Variants in ITGA1 observed in about 807,000 individuals in gnomAD.
ITGA1 encodes the protein integrin subunit alpha 1.
Under a neutral mutation model 145.9 loss-of-function variants are expected in ITGA1, and 85 were observed. The ratio of observed to expected loss-of-function variants is 0.58; its 90% CI spans 0.49 to 0.70. The LOEUF (loss-of-function observed/expected upper bound fraction) is 0.70. Among genes scored for constraint, ITGA1 ranks in the 30% least tolerant of loss-of-function variants. The pLI is 0.00. For synonymous variants in ITGA1, 520 were observed against 495.3 expected (o/e 1.05, Z -0.66); for missense variants, 1,351 against 1,418.7 (o/e 0.95, Z 0.77).
chr5:52,889,514 C>T (rs1750109611), intron 8 of ITGA1, among the ~76,000 whole-genome samples: 1 of 152,154 alleles, frequency 6.6e-6, no homozygotes, highest in Non-Finnish European at 1.5e-5. Flanking sequence ...AAATCTGTAT[C>T]CTTCTTAATC....
At chr5:52,848,492 A>C (rs1457133876) in intron 1 of ITGA1, among the ~76,000 whole-genome samples, 2 of 152,344 alleles carry the variant, frequency 1.3e-5, no homozygotes, top group East Asian at 3.9e-4. Flanking sequence ...GGAATGGTAC[A>C]GATATTAAAT....
In ITGA1 at chr5:52,955,943, A is replaced by C. The variant is rs1208127083; in HGVS notation, c.*3492A>C. On this transcript the variant is annotated 3_prime_UTR_variant, in exon 29 of 29. Transcript: ENST00000282588. ...TATCTATAAATGCGTATATACATAT[A>C]TATATATATATATATACACATACAC... 6.2e-5 allele frequency: 2 copies of C among 32,150 alleles called. No homozygotes were observed. The highest frequency in any genetic ancestry group is 1.2e-4 in the African/African-American group (2 of 16,190). The allele number at this position is 32,150 out of a possible 1,614,324, so 2.0% of individuals were successfully genotyped here.
At position 52,909,048 on chromosome 5, in the gene ITGA1, G is replaced by A; in HGVS notation, c.1599+7G>A. ...TGTGTATGCTCTCAATCAGGTAATG[G>A]TGTCTGAGTTTGGTAGAAATCCAGG... is the stretch of plus-strand genomic sequence containing the variant. On this transcript the variant is annotated splice_region_variant and intron_variant, in intron 13 of 28. Transcript: ENST00000282588. The A allele has an allele frequency of 1.2e-6, 2 of 1,603,650 alleles. No individual in the cohort carries two copies. Among genetic ancestry groups the A allele is most frequent in the Non-Finnish European group, 1.7e-6 (2 of 1,177,182 alleles).
chr5:52,909,183 A>C, intron 13 of ITGA1, 142 bp downstream of exon 13: 2 of 779,572 alleles, frequency 2.6e-6, no homozygotes. Flanking sequence ...CCAACCCCTC[A>C]GTTTTGAAAT....
In ITGA1 at chr5:52,861,470, T is replaced by C; in HGVS notation, c.206T>C (p.Val69Ala). The change falls in exon 3 of 29, where the codon GTT becomes GCT. Residue 69 changes from valine to alanine, a missense_variant. Transcript: ENST00000282588. ...GKWVLIGSPLVGQPKNRTGDV... is the reference protein window; with the variant it reads ...GKWVLIGSPLAGQPKNRTGDV... ...AGGGTGCTTATTGGTTCTCCGTTAG[T>C]TGGCCAACCCAAAAACAGAACTGGA... 6.2e-7 allele frequency: 1 copy of C among 1,613,546 alleles called. No homozygotes were observed. The highest frequency in any genetic ancestry group is 8.5e-7 in the Non-Finnish European group (1 of 1,179,548).
chr5:52,799,086 C>G (rs1229315680), intron 1 of ITGA1, among the ~76,000 whole-genome samples: 1 of 152,158 alleles, frequency 6.6e-6, no homozygotes, highest in African/African-American at 2.4e-5. Context: ...TTCCAATCCA[C>G]ACAGAGAAAG....
chr5:52,926,804 T>C (rs1750818580), intron 19 of ITGA1, among the ~76,000 whole-genome samples: 1 of 152,098 alleles, frequency 6.6e-6, no homozygotes. Context: ...ACAACAGTAA[T>C]AATGATGGCA....
At position 52,893,701 on chromosome 5, in the gene ITGA1, T is replaced by C; in HGVS notation, c.951T>C (p.Asn317=). The change falls in exon 9 of 29, where the codon AAT becomes AAC. Residue 317 remains asparagine, a synonymous_variant. Transcript: ENST00000282588. ...IAILGSYNRG[N]LSTEKFVEEI... is the part of the protein sequence containing the mutation. ...TTCTTGGCAGCTATAACCGAGGAAA[T>C]TTAAGCACTGAAAAATTTGTGGAGG... 1 of 1,612,864 alleles carries C rather than the reference T, an allele frequency of 6.2e-7. No individual in the cohort carries two copies.
intron 6 of ITGA1, among the ~76,000 whole-genome samples, chr5:52,867,870 C>G (rs556798206): frequency 1.3e-5 from 2 of 152,020 alleles, no homozygotes; most frequent in East Asian, 3.9e-4. Context: ...TCTGAGGGCT[C>G]TACTTCTAGA....
intron 13 of ITGA1, among the ~76,000 whole-genome samples, 169 bp downstream of exon 13, chr5:52,909,210 A>C (rs1408704660): frequency 6.6e-6 from 1 of 152,126 alleles, no homozygotes; most frequent in Non-Finnish European, 1.5e-5. Context: ...TTATAATTCT[A>C]ATAAAGTAGC....
chr5:52,893,860 T>G lies in ITGA1; in HGVS notation c.1090+20T>G, dbSNP rs1023310515. On this transcript the variant is annotated intron_variant, in intron 9 of 28. Transcript: ENST00000282588. ...TGGAAGGTATGTCTATTTATCTTAT[T>G]GCTGCATGTTCTCTCTGCAATTCAA... 5.1e-6 allele frequency: 8 copies of G among 1,579,420 alleles called. No individual in the cohort carries two copies. Among genetic ancestry groups the G allele is most frequent in the Non-Finnish European group, 6.9e-6 (8 of 1,153,652 alleles).
At chr5:52,886,810 G>A (rs921303334) in intron 7 of ITGA1, among the ~76,000 whole-genome samples, 1 of 152,088 alleles carries the variant, frequency 6.6e-6, no homozygotes, top group Admixed American at 6.5e-5. Context: ...AAGGTGTCTC[G>A]CTCTGTCGCC....
At chr5:52,860,539 C>T (rs917247598) in intron 2 of ITGA1, among the ~76,000 whole-genome samples, 1 of 151,770 alleles carries the variant, frequency 6.6e-6, no homozygotes. Context: ...AGCGAGACTC[C>T]GTCTCAAAAA....
intron 1 of ITGA1, among the ~76,000 whole-genome samples, chr5:52,805,393 T>C (rs975886): frequency 0.91 from 137,940 of 152,120 alleles, 62,610 homozygotes; most frequent in Middle Eastern, 0.93. Flanking sequence ...TAGGAAGATA[T>C]GAGAGAAAAA....
At chr5:52,912,153 T>TATATATAGCGTATCTAGTATATAGATAC in intron 14 of ITGA1, among the ~76,000 whole-genome samples, 1 of 142,044 alleles carries the variant, frequency 7.0e-6, no homozygotes, top group Admixed American at 7.2e-5. Flanking sequence ...TATATAGATA[T>TATATATAGCGTATCTAGTATATAGATAC]GCTATATATA....
At chr5:52,910,826 A>T (rs181453943) in intron 14 of ITGA1, among the ~76,000 whole-genome samples, 2 of 143,844 alleles carry the variant, frequency 1.4e-5, no homozygotes, top group Admixed American at 1.4e-4. Flanking sequence ...GTGTATATGT[A>T]GTGTGCATAT....
intron 12 of ITGA1, among the ~76,000 whole-genome samples, chr5:52,906,341 A>T (rs1251982794): frequency 6.6e-6 from 1 of 152,206 alleles, no homozygotes; most frequent in African/African-American, 2.4e-5. Flanking sequence ...AGTTAAAAAG[A>T]TAACATGGAC....
chr5:52,901,898 T>C (rs1392377048), intron 11 of ITGA1: 1 of 152,176 alleles, frequency 6.6e-6, no homozygotes, highest in African/African-American at 2.4e-5. Context: ...TACTCACAAG[T>C]GAGGGTATAT....
rs1319447924 is a variant in ITGA1 at position 52,887,980 on chromosome 5, G to A, written c.924+15G>A. 26 of 1,606,470 alleles carry A rather than the reference G, an allele frequency of 1.6e-5. No homozygotes were observed. Among genetic ancestry groups the A allele is most frequent in the Admixed American group, 6.7e-5 (4 of 59,666 alleles). On this transcript the variant is annotated intron_variant, in intron 8 of 28. Transcript: ENST00000282588. ...TTTCCATAGCTGTAAGTGTGTTGCC[G>A]GAGATATTTTCAAACTCTTAGGTGT... is the stretch of plus-strand genomic sequence containing the variant.
Sources: gnomAD v4.1 joint callset for allele counts (sites outside exome capture counted in the v4.1 genomes callset) on GRCh38, gnomAD v4.1.1 for gene constraint, MANE v1.5 for transcripts, NCBI Gene and HGNC (gene_info 2026-07-23, HGNC 2026-07-21) for gene names.